Variants in PRDM1 observed in about 807,000 individuals in gnomAD.
The protein encoded by PRDM1 is PR/SET domain 1, also known as PR domain zinc finger protein 1.
In PRDM1, 13 loss-of-function variants were observed where a neutral mutation model predicts 62.8. The ratio of observed to expected loss-of-function variants is 0.21; its 90% CI spans 0.13 to 0.33. The LOEUF (loss-of-function observed/expected upper bound fraction) is 0.33. Ranked by LOEUF, PRDM1 falls within the 10% of genes least tolerant of loss-of-function variation. PRDM1 has a pLI of 1.00. For synonymous variants in PRDM1, 396 were observed against 417.6 expected (o/e 0.95, Z 0.63); for missense variants, 895 against 1,058.8 (o/e 0.85, Z 2.15).
chr6:106,058,258 G>A (rs1773294198), intron 1 of PRDM1, among the ~76,000 whole-genome samples: 1 of 152,128 alleles, frequency 6.6e-6, no homozygotes, highest in African/African-American at 2.4e-5. Flanking sequence ...CAGCCAAGTT[G>A]GGTTCTGGTG....
At position 106,006,252 on chromosome 6, in the gene PRDM1, C is replaced by T. The variant is rs551715858; in HGVS notation, c.-67+12613C>T. On this transcript the variant is annotated intron_variant, in intron 1 of 6. Transcript: ENST00000652320. ...GGATGACTTCTTTTTTCTTTTTCCT[C>T]CCTTATATGGATGGTAGGACTGACT... 3.9e-5 allele frequency among the ~76,000 whole-genome samples: 6 copies of T among 152,246 alleles called. No homozygotes were observed. The South Asian group carries it at 1.2e-3, about 32-fold the overall frequency.
intron 2 of PRDM1, among the ~76,000 whole-genome samples, chr6:106,090,550 AC>A (rs1401211500): frequency 3.3e-5 from 5 of 152,250 alleles, no homozygotes; most frequent in African/African-American, 1.2e-4. Flanking sequence ...TTGGGAAAGG[AC>A]AGCTTCCTTT....
Position 106,104,832 on chromosome 6 carries a change from A to G in PRDM1, c.672A>G (p.Thr224=). The change falls in exon 5 of 7, where the codon ACA becomes ACG. Residue 224 remains threonine, a synonymous_variant. Coordinates refer to ENST00000369096, the MANE Select transcript of PRDM1 (RefSeq NM_001198.4). Reference sequence around the variant, plus strand: ...CCTTTTTCTTTATTTCAGCACAAACACAGAGCAGTCTAAAGCAACCGAGCA... The same window carrying G: ...CCTTTTTCTTTATTTCAGCACAAACGCAGAGCAGTCTAAAGCAACCGAGCA... ...GELTMMNLTQ[T]QSSLKQPSTE... 1 of 1,612,208 alleles carries G rather than the reference A, an allele frequency of 6.2e-7. No homozygotes were observed. Among genetic ancestry groups the G allele is most frequent in the Non-Finnish European group, 8.5e-7 (1 of 1,179,432 alleles).
intron 1 of PRDM1, among the ~76,000 whole-genome samples, chr6:106,011,669 G>A (rs1223890208): frequency 6.6e-6 from 1 of 152,166 alleles, no homozygotes; most frequent in Non-Finnish European, 1.5e-5. Flanking sequence ...AAAGGAGTTG[G>A]AGTCCGAAGT....
chr6:106,017,438 T>A (rs1231686123), intron 1 of PRDM1, among the ~76,000 whole-genome samples: 2 of 152,222 alleles, frequency 1.3e-5, no homozygotes. Flanking sequence ...TTGCTCTGTG[T>A]GTGTCTGAGT....
At chr6:106,066,994 T>C (rs1342204232) in intron 1 of PRDM1, among the ~76,000 whole-genome samples, 1 of 152,152 alleles carries the variant, frequency 6.6e-6, no homozygotes. Flanking sequence ...GTGAACTTAG[T>C]GCTATTATTA....
chr6:106,089,465 G>A (rs763776802), intron 2 of PRDM1, among the ~76,000 whole-genome samples: 6 of 152,174 alleles, frequency 3.9e-5, no homozygotes, highest in Non-Finnish European at 8.8e-5. Flanking sequence ...AACAGTATTT[G>A]AAGGAATCCG....
At chr6:105,998,921 ATATATATATATATTTT>A (rs1418419294) in intron 1 of PRDM1, among the ~76,000 whole-genome samples, 4 of 2,778 alleles carry the variant, frequency 1.4e-3, no homozygotes, top group Non-Finnish European at 3.8e-3. Flanking sequence ...ATATATATAT[ATATATATATATATTTT>A]TTTTTTTTTT....
At chr6:106,056,314 C>T (rs1014129695) in intron 1 of PRDM1, among the ~76,000 whole-genome samples, 2 of 152,162 alleles carry the variant, frequency 1.3e-5, no homozygotes, top group Admixed American at 6.5e-5. Context: ...AGGATAAGGA[C>T]AGTTTCTGGC....
intron 1 of PRDM1, among the ~76,000 whole-genome samples, chr6:106,073,852 T>C (rs1160408401): frequency 1.3e-5 from 2 of 152,202 alleles, no homozygotes; most frequent in Non-Finnish European, 2.9e-5. Flanking sequence ...TTTCAAATGT[T>C]AGAGAGGTGA....
chr6:106,100,998 C>T (rs557188740), intron 4 of PRDM1, among the ~76,000 whole-genome samples: 6 of 152,176 alleles, frequency 3.9e-5, no homozygotes, highest in African/African-American at 7.2e-5. Context: ...AGGAACCATT[C>T]GGCTGTTGTG....
chr6:106,023,708 A>G (rs907934475), intron 1 of PRDM1, among the ~76,000 whole-genome samples: 6 of 152,174 alleles, frequency 3.9e-5, no homozygotes, highest in Non-Finnish European at 1.5e-5. Context: ...TACTGTTCGC[A>G]TGCAATTGTC....
At chr6:106,048,380 C>T (rs1045690051), upstream of PRDM1, among the ~76,000 whole-genome samples, 2 of 150,830 alleles carry the variant, frequency 1.3e-5, no homozygotes, top group African/African-American at 2.4e-5. Context: ...GAGACAGTGT[C>T]TCAAAAAAAA....
At chr6:105,995,812 G>A (rs935587238) in intron 1 of PRDM1, among the ~76,000 whole-genome samples, 4 of 151,958 alleles carry the variant, frequency 2.6e-5, no homozygotes, top group Non-Finnish European at 5.9e-5. Context: ...CACAAACTCT[G>A]ATCCAAAATA....
chr6:106,088,375 G>T lies in PRDM1; in HGVS notation c.217G>T (p.Gly73Cys), dbSNP rs1306764514. 1 of 1,614,168 alleles carries T rather than the reference G, an allele frequency of 6.2e-7. No individual in the cohort carries two copies. Among genetic ancestry groups the T allele is most frequent in the East Asian group, 2.2e-5 (1 of 44,886 alleles). ...NDHPWDSGAD[G>C]GTSVQAEASL... The stretch of plus-strand genomic sequence containing the variant: ...CCACCCCTGGGATTCTGGTGCTGAT[G>T]GCGGTACTTCGGTTCAGGCGGAGGC... Residue 73 changes from glycine (G) to cysteine (C), a missense_variant, in exon 2 of 7, where the codon GGC (glycine) becomes TGC (cysteine). Physicochemically the swap from Gly to Cys is radical, Grantham distance 159 (BLOSUM62 -3). Transcript: ENST00000369096.
At chr6:106,104,787 T>G in intron 4 of PRDM1, 38 bp from the exon 5 acceptor site, 1 of 1,580,658 alleles carries the variant, frequency 6.3e-7, no homozygotes, top group Non-Finnish European at 8.6e-7. Context: ...CAGTTCTCTC[T>G]AGCCCTCTGT....
intron 1 of PRDM1, among the ~76,000 whole-genome samples, chr6:106,061,849 G>A (rs1218752986): frequency 6.6e-6 from 1 of 152,162 alleles, no homozygotes; most frequent in Non-Finnish European, 1.5e-5. Context: ...AGTTAATGGA[G>A]TTAGAATTTA....
In PRDM1 at chr6:105,994,934, G is replaced by GA. The variant is rs1772328712; in HGVS notation, c.-67+1295_-67+1296insA. Among the ~76,000 whole-genome samples the GA allele has an allele frequency of 6.6e-6, 1 of 152,214 alleles. No individual in the cohort carries two copies. Among genetic ancestry groups the GA allele is most frequent in the Non-Finnish European group, 1.5e-5 (1 of 68,030 alleles). On this transcript the variant is annotated intron_variant, in intron 1 of 6. Transcript: ENST00000652320. The surrounding 1 kb of genome is among the most constrained non-coding windows in gnomAD (Gnocchi z 4.1). ...GCCTCCCGGCTTGCGGAGGGCTTGAGTTTTTTGGCGGAGACAGAGGAAAGC... is the reference window on the plus strand; with the variant it reads ...GCCTCCCGGCTTGCGGAGGGCTTGAGATTTTTTGGCGGAGACAGAGGAAAGC...
chr6:106,103,437 C>G (rs907570030), intron 4 of PRDM1, among the ~76,000 whole-genome samples: 1 of 152,168 alleles, frequency 6.6e-6, no homozygotes, highest in African/African-American at 2.4e-5. Flanking sequence ...GCATGATCCC[C>G]CAAACCTGCT....
Sources: allele counts gnomAD v4.1 joint callset (sites outside exome capture counted in the v4.1 genomes callset), GRCh38; gene constraint gnomAD v4.1.1; non-coding constraint Gnocchi (gnomAD v3.1); transcripts MANE v1.5; gene names NCBI Gene and HGNC (gene_info 2026-07-23, HGNC 2026-07-21).